Variants in IQCJ observed in about 807,000 individuals in gnomAD.
IQCJ encodes the protein IQ motif containing J.
Under a neutral mutation model 11.0 loss-of-function variants are expected in IQCJ, and 9 were observed. That is an observed-to-expected ratio of 0.82 (90% CI 0.49 to 1.43). IQCJ has a LOEUF of 1.43. Among genes scored for constraint, IQCJ ranks in the 40% most tolerant of loss-of-function variants. The pLI, the probability that IQCJ is intolerant of heterozygous loss-of-function variation, is 0.00. For synonymous variants in IQCJ, 55 were observed against 51.3 expected (o/e 1.07, Z -0.31); for missense variants, 146 against 133.2 (o/e 1.10, Z -0.47).
At position 159,232,034 on chromosome 3, in the gene IQCJ, A is replaced by C. The variant is rs532792605; in HGVS notation, c.10-13809A>C. ...ATTCTTCTCTCTTTTCTTCTTTATT[A>C]GTCTGGCTAGTGGTCTATCTATTTT... On this transcript the variant is annotated intron_variant, in intron 1 of 3. Coordinates refer to ENST00000397832, the MANE Select transcript of IQCJ (RefSeq NM_001042706.3). Among the ~76,000 whole-genome samples, 388 of 152,028 alleles carry C rather than the reference A, an allele frequency of 2.6e-3. 2 individuals carry two copies. Among genetic ancestry groups the C allele is most frequent in the African/African-American group, 9.0e-3 (371 of 41,448 alleles).
In IQCJ at chr3:159,262,683, CGTGA is replaced by C; in HGVS notation, c.295_298del (p.Val100CysfsTer9). Reference sequence around the variant, plus strand: ...ACACCTTCTCCGACAGCAGCACACCCGTGAGTGTCATGTTTCTTTTTCTATGTCC... The same window carrying C: ...ACACCTTCTCCGACAGCAGCACACCCGTGTCATGTTTCTTTTTCTATGTCC... On this transcript the variant is annotated frameshift_variant, in exon 4 of 4. Transcript: ENST00000397832. LOFTEE classifies it low-confidence loss of function (END_TRUNC). The C allele has an allele frequency of 6.2e-7, 1 of 1,613,870 alleles. No homozygotes were observed. The highest frequency in any genetic ancestry group is 8.5e-7 in the Non-Finnish European group (1 of 1,179,800).
chr3:159,188,528 A>G (rs987958701), intron 1 of IQCJ, among the ~76,000 whole-genome samples: 26 of 152,322 alleles, frequency 1.7e-4, no homozygotes, highest in African/African-American at 6.0e-4. Context: ...TATTTCCCCT[A>G]TTCCCAGTCC....
intron 1 of IQCJ, among the ~76,000 whole-genome samples, chr3:159,129,765 G>A (rs1719889608): frequency 6.6e-6 from 1 of 152,170 alleles, no homozygotes. Flanking sequence ...ATACACAGCA[G>A]TAAGAAATAA....
intron 1 of IQCJ, among the ~76,000 whole-genome samples, chr3:159,104,042 G>T (rs929911242): frequency 2.6e-5 from 4 of 152,198 alleles, no homozygotes; most frequent in Non-Finnish European, 5.9e-5. Context: ...CAGCAGGGCT[G>T]GTTGATGGGG....
intron 1 of IQCJ, among the ~76,000 whole-genome samples, chr3:159,204,032 A>C (rs574758844): frequency 6.6e-6 from 1 of 152,348 alleles, no homozygotes; most frequent in South Asian, 2.1e-4. Context: ...ACCAGGCCCC[A>C]GTAGGCATAA....
chr3:159,085,068 T>A (rs1716622676), intron 1 of IQCJ, among the ~76,000 whole-genome samples: 1 of 149,812 alleles, frequency 6.7e-6, no homozygotes, highest in Admixed American at 6.6e-5. Flanking sequence ...CCCTCCCCTC[T>A]CCCCCCACCC....
chr3:159,119,426 G>A (rs1473056576), intron 1 of IQCJ, among the ~76,000 whole-genome samples: 1 of 152,184 alleles, frequency 6.6e-6, no homozygotes, highest in Non-Finnish European at 1.5e-5. Context: ...TGCAGAATGA[G>A]TCTCAGTTTA....
In IQCJ at chr3:159,262,948, T is replaced by C; in HGVS notation, c.*217T>C. ...TTCTCATTTCTCTATTATGGAGGTA[T>C]CTTTTTTGCTTTTCTTTATAATAGC... On this transcript the variant is annotated 3_prime_UTR_variant, in exon 4 of 4. Coordinates refer to ENST00000397832, the MANE Select transcript of IQCJ (RefSeq NM_001042706.3). 7.7e-7 allele frequency: 1 copy of C among 1,291,248 alleles called. No individual in the cohort carries two copies. The allele number at this position is 1,291,248 out of a possible 1,614,324, so 80.0% of individuals were successfully genotyped here.
chr3:159,236,817 C>A (rs907449014), intron 1 of IQCJ, among the ~76,000 whole-genome samples: 1 of 152,114 alleles, frequency 6.6e-6, no homozygotes, highest in Non-Finnish European at 1.5e-5. Flanking sequence ...ACATTAGTAA[C>A]CCCTTTTTTA....
chr3:159,141,300 G>A (rs1021406317), intron 1 of IQCJ, among the ~76,000 whole-genome samples: 7 of 152,216 alleles, frequency 4.6e-5, no homozygotes, highest in Admixed American at 4.6e-4. Context: ...AGGCTGGGGG[G>A]CATTAAATGA....
chr3:159,101,902 C>G (rs1006462056), intron 1 of IQCJ, among the ~76,000 whole-genome samples: 3 of 152,230 alleles, frequency 2.0e-5, no homozygotes, highest in Admixed American at 2.0e-4. Flanking sequence ...TGAGCATATA[C>G]TTCAGTATAC....
chr3:159,251,653 T>C (rs180996385), intron 2 of IQCJ, among the ~76,000 whole-genome samples: 4 of 152,184 alleles, frequency 2.6e-5, no homozygotes, highest in African/African-American at 9.6e-5. Context: ...CCTTACCACA[T>C]GCACAAGTAC....
At chr3:159,109,910 T>C (rs73877505) in intron 1 of IQCJ, among the ~76,000 whole-genome samples, 2,576 of 152,346 alleles carry the variant, frequency 0.017, 68 homozygotes, top group African/African-American at 0.06. Context: ...CTAATACCTA[T>C]ATACACTAAC....
chr3:159,116,982 G>C (rs1719063637), intron 1 of IQCJ, among the ~76,000 whole-genome samples: 1 of 152,024 alleles, frequency 6.6e-6, no homozygotes, highest in Non-Finnish European at 1.5e-5. Context: ...GAAAGTAGAA[G>C]TTTCAGCAGC....
rs2108065216 is a variant in IQCJ, at chr3:159,084,886, C to T, written c.9+15445C>T. ...GGGTCTTGGAGGCACATCCTAGTTA[C>T]TTGTTATCAAGGGGAATGCATAAGT... On this transcript the variant is annotated intron_variant, in intron 1 of 3. Transcript: ENST00000397832. Among the ~76,000 whole-genome samples the T allele has an allele frequency of 1.3e-5, 2 of 149,980 alleles. 1 individual carries two copies. Among genetic ancestry groups the T allele is most frequent in the African/African-American group, 4.9e-5 (2 of 40,792 alleles).
chr3:159,116,662 A>C (rs1719037179), intron 1 of IQCJ, among the ~76,000 whole-genome samples: 1 of 24,070 alleles, frequency 4.2e-5, no homozygotes, highest in Non-Finnish European at 8.1e-5. Context: ...ATATATATAT[A>C]TATATATACA....
intron 1 of IQCJ, among the ~76,000 whole-genome samples, chr3:159,143,705 C>A (rs992351304): frequency 2.0e-5 from 3 of 152,228 alleles, no homozygotes; most frequent in African/African-American, 7.2e-5. Flanking sequence ...GCAGTGTTTA[C>A]TTCAAAATTA....
intron 1 of IQCJ, among the ~76,000 whole-genome samples, chr3:159,127,196 A>G (rs1719726558): frequency 1.3e-5 from 2 of 152,224 alleles, no homozygotes; most frequent in South Asian, 4.1e-4. Context: ...ATATTAACCA[A>G]GCCATAGTTC....
At chr3:159,195,809 C>T (rs1042408322) in intron 1 of IQCJ, among the ~76,000 whole-genome samples, 1 of 152,180 alleles carries the variant, frequency 6.6e-6, no homozygotes, top group Non-Finnish European at 1.5e-5. Context: ...GAAAATTAGT[C>T]TATTTTTGTT....
Sources: gnomAD v4.1 joint callset for allele counts (sites outside exome capture counted in the v4.1 genomes callset) on GRCh38, gnomAD v4.1.1 for gene constraint, MANE v1.5 for transcripts, NCBI Gene and HGNC (gene_info 2026-07-23, HGNC 2026-07-21) for gene names.